Variants in BBX observed in about 807,000 individuals in gnomAD.
The protein encoded by BBX is BBX high mobility group box domain containing.
Under a neutral mutation model 100.2 loss-of-function variants are expected in BBX, and 30 were observed. That is an observed-to-expected ratio of 0.30 (90% CI 0.22 to 0.41). The LOEUF (loss-of-function observed/expected upper bound fraction) is 0.41. Ranked by LOEUF, BBX falls within the 10% of genes least tolerant of loss-of-function variation. The pLI, the probability that BBX is intolerant of heterozygous loss-of-function variation, is 1.00. For missense variants in BBX, 1,023 were observed against 1,129.8 expected, an observed-to-expected ratio of 0.91 and a Z score of 1.35; for synonymous variants, 376 against 388.1, an observed-to-expected ratio of 0.97 and a Z score of 0.37.
chr3:107,798,734 G>A lies in BBX; in HGVS notation c.2551+14G>A. 6.2e-7 allele frequency: 1 copy of A among 1,611,054 alleles called. No individual in the cohort carries two copies. Among genetic ancestry groups the A allele is most frequent in the East Asian group, 2.2e-5 (1 of 44,720 alleles). ...GAGGTACTTTGGGTAAGAAGAGAGA[G>A]CTTTAGACCAGAGGTGTCCAATCTT... On this transcript the variant is annotated intron_variant, in intron 16 of 17. Transcript: ENST00000325805.
intron 3 of BBX, among the ~76,000 whole-genome samples, chr3:107,696,219 GT>G (rs1291938748): frequency 6.6e-6 from 1 of 151,830 alleles, no homozygotes; most frequent in Non-Finnish European, 1.5e-5. Flanking sequence ...ATTGTTATGT[GT>G]GAATTTGATC....
At chr3:107,581,218 T>C (rs923341310) in intron 2 of BBX, among the ~76,000 whole-genome samples, 3 of 152,134 alleles carry the variant, frequency 2.0e-5, no homozygotes, top group African/African-American at 7.2e-5. Context: ...TAAACATCTG[T>C]AAAATAGTTA....
At chr3:107,741,144 G>T (rs115625126) in intron 7 of BBX, among the ~76,000 whole-genome samples, 209 of 152,006 alleles carry the variant, frequency 1.4e-3, no homozygotes, top group African/African-American at 4.9e-3. Flanking sequence ...TGTTGACCGT[G>T]TGTTCATGCC....
At chr3:107,638,878 A>G (rs990266138) in intron 2 of BBX, among the ~76,000 whole-genome samples, 2 of 148,220 alleles carry the variant, frequency 1.3e-5, no homozygotes, top group African/African-American at 4.9e-5. Context: ...AGTCCCAGCT[A>G]CTCAGGAGGC....
At chr3:107,698,542 C>T (rs2060824505) in intron 3 of BBX, among the ~76,000 whole-genome samples, 1 of 151,130 alleles carries the variant, frequency 6.6e-6, no homozygotes, top group Non-Finnish European at 1.5e-5. Context: ...GTCCCAGAAA[C>T]TTAGGAGGCT....
intron 3 of BBX, among the ~76,000 whole-genome samples, chr3:107,672,350 C>CTT (rs1363505328): frequency 1.3e-5 from 2 of 151,924 alleles, no homozygotes; most frequent in Non-Finnish European, 2.9e-5. Context: ...TTTTATAACC[C>CTT]TGTGATACAA....
At chr3:107,784,881 T>C (rs891242478) in intron 13 of BBX, among the ~76,000 whole-genome samples, 5 of 151,708 alleles carry the variant, frequency 3.3e-5, no homozygotes, top group African/African-American at 1.2e-4. Flanking sequence ...AACCAAAAAC[T>C]AGTCCTTTGA....
chr3:107,616,148 C>G (rs186949107), intron 2 of BBX, among the ~76,000 whole-genome samples: 54 of 150,138 alleles, frequency 3.6e-4, no homozygotes, highest in African/African-American at 1.2e-3. Context: ...CATCCCAGAT[C>G]TGAAAATTTG....
chr3:107,725,469 G>T (rs997006014), intron 5 of BBX, among the ~76,000 whole-genome samples: 4 of 152,084 alleles, frequency 2.6e-5, no homozygotes, highest in African/African-American at 7.2e-5. Context: ...GTGAGAGAGG[G>T]CATCCCTGTC....
At chr3:107,751,382 T>C (rs1327579075) in intron 9 of BBX, among the ~76,000 whole-genome samples, 1 of 152,230 alleles carries the variant, frequency 6.6e-6, no homozygotes, top group Admixed American at 6.5e-5. Context: ...TCCGTTCATT[T>C]TATTTACAAA....
At chr3:107,655,998 C>G (rs1227258418) in intron 3 of BBX, among the ~76,000 whole-genome samples, 1 of 152,108 alleles carries the variant, frequency 6.6e-6, no homozygotes, top group African/African-American at 2.4e-5. Flanking sequence ...CCATGTCCAG[C>G]TAAGTGCTAT....
At chr3:107,555,891 T>C (rs2050063705) in intron 2 of BBX, among the ~76,000 whole-genome samples, 1 of 152,208 alleles carries the variant, frequency 6.6e-6, no homozygotes, top group African/African-American at 2.4e-5. Context: ...AGAACTGTTA[T>C]AAACTGTTGT....
At chr3:107,720,056 T>A (rs1002230185) in intron 5 of BBX, among the ~76,000 whole-genome samples, 1 of 152,016 alleles carries the variant, frequency 6.6e-6, no homozygotes, top group African/African-American at 2.4e-5. Context: ...TGTGTGCATT[T>A]ATTGATTGAT....
chr3:107,554,230 T>A lies in BBX; in HGVS notation c.-84+27832T>A, dbSNP rs1325615685. Among the ~76,000 whole-genome samples, 3 of 152,236 alleles carry A rather than the reference T, an allele frequency of 2.0e-5. No individual in the cohort carries two copies. In the East Asian group the frequency reaches 5.8e-4, roughly 29 times the overall value. On this transcript the variant is annotated intron_variant, in intron 2 of 17. Coordinates refer to ENST00000325805, the MANE Select transcript of BBX (RefSeq NM_001142568.3). ...TAAAACAGACAGTGGTGAGGGATTA[T>A]TGATTACGGATTTAGAGAATTAGTC...
chr3:107,797,337 AATATATATATATATATAT>A (rs369837058), intron 15 of BBX, among the ~76,000 whole-genome samples: 19 of 39,346 alleles, frequency 4.8e-4, no homozygotes, highest in Admixed American at 3.2e-3. Flanking sequence ...TTTTCTTCCA[AATATATATATATATATAT>A]ATATATATAG....
chr3:107,729,084 A>G, intron 6 of BBX, 124 bp downstream of exon 6: 1 of 961,266 alleles, frequency 1.0e-6, no homozygotes, highest in Non-Finnish European at 1.6e-6. Flanking sequence ...TGGCAAAGAT[A>G]TAGCATATTT....
intron 2 of BBX, among the ~76,000 whole-genome samples, chr3:107,560,134 G>A (rs890649316): frequency 9.9e-5 from 15 of 151,580 alleles, no homozygotes. Flanking sequence ...GTTAGATTTT[G>A]CATATTAAAT....
chr3:107,743,563 A>C (rs540351550), intron 7 of BBX, among the ~76,000 whole-genome samples: 8 of 152,346 alleles, frequency 5.3e-5, no homozygotes, highest in African/African-American at 1.9e-4. Context: ...TAAAATTTCA[A>C]ATGTTTGCTC....
chr3:107,718,119 A>C (rs1464328059), intron 5 of BBX, among the ~76,000 whole-genome samples: 1 of 150,738 alleles, frequency 6.6e-6, no homozygotes, highest in Non-Finnish European at 1.5e-5. Flanking sequence ...TTTCATGGAA[A>C]TTTGAATCTA....
Sources: gnomAD v4.1 joint callset for allele counts (sites outside exome capture counted in the v4.1 genomes callset) on GRCh38, gnomAD v4.1.1 for gene constraint, MANE v1.5 for transcripts, NCBI Gene and HGNC (gene_info 2026-07-23, HGNC 2026-07-21) for gene names.